LAMA3: variants seen among roughly 807,000 people sequenced by gnomAD.
LAMA3 encodes laminin subunit alpha 3.
In LAMA3, 281 loss-of-function variants were observed where a neutral mutation model predicts 402.0. The observed-to-expected ratio is 0.70, with a 90% CI of 0.63 to 0.77. The LOEUF (loss-of-function observed/expected upper bound fraction) is 0.77, where lower values mean the gene tolerates loss of function less well. LAMA3 is among the 30% of genes least tolerant of loss of function. The pLI, the probability that LAMA3 is intolerant of heterozygous loss-of-function variation, is 0.00. For synonymous variants in LAMA3, 1,431 were observed against 1,558.4 expected (o/e 0.92, Z 1.93); for missense variants, 3,840 against 4,215.5 (o/e 0.91, Z 2.47).
chr18:23,871,535 A>G lies in LAMA3; in HGVS notation c.4872A>G (p.Thr1624=), dbSNP rs779890192. The G allele has an allele frequency of 1.9e-6, 3 of 1,614,086 alleles. No individual in the cohort carries two copies. The East Asian group carries it at 6.7e-5, about 36-fold the overall frequency. Reference sequence around the variant, plus strand: ...TGCGCATCCAAGGCCTCTACTTCACAGAGACTCAAAGGCTCACCCTGAGCG... The same window carrying G: ...TGCGCATCCAAGGCCTCTACTTCACGGAGACTCAAAGGCTCACCCTGAGCG... ...ADVRIQGLYF[T]ETQRLTLSEV... The change falls in exon 38 of 75, where the codon ACA becomes ACG. Residue 1624 remains threonine, a synonymous_variant. Transcript: ENST00000313654.
rs1489909237 is a variant in LAMA3, at chr18:23,884,814, G to A, written c.5264G>A (p.Cys1755Tyr). Residue 1755 changes from cysteine (C) to tyrosine (Y), a missense_variant, in exon 41 of 75, where the codon TGC (cysteine) becomes TAC (tyrosine). This residue lies in a region of LAMA3 where 2,109 missense variants were observed against 2,376.0 expected (regional missense o/e 0.89). Transcript: ENST00000313654. ...GTGGTGAATGGGGGAGACGTGCGGT[G>A]CTCCTGCAAAGCTGGGTACACAGGA... ...GCVVNGGDVR[C>Y]SCKAGYTGTQ... The A allele has an allele frequency of 6.2e-7, 1 of 1,613,822 alleles. No homozygotes were observed. Among genetic ancestry groups the A allele is most frequent in the East Asian group, 2.2e-5 (1 of 44,866 alleles).
At position 23,879,411 on chromosome 18, in the gene LAMA3, G is replaced by A. The variant is rs945017917; in HGVS notation, c.5113-2525G>A. Among the ~76,000 whole-genome samples the A allele has an allele frequency of 3.3e-5, 5 of 152,134 alleles. No individual in the cohort carries two copies. Among genetic ancestry groups the A allele is most frequent in the East Asian group, 1.9e-4 (1 of 5,182 alleles). Reference sequence around the variant, plus strand: ...GCTCAGTGAATCCCTGTCCTTCTGCGGCCCTCGCAGGCAGCCCCTCCTCCT... The same window carrying A: ...GCTCAGTGAATCCCTGTCCTTCTGCAGCCCTCGCAGGCAGCCCCTCCTCCT... On this transcript the variant is annotated intron_variant, in intron 39 of 74. Transcript: ENST00000313654. The surrounding 1 kb of genome is among the most constrained non-coding windows in gnomAD (Gnocchi z 4.2).
chr18:23,693,499 T>C (rs539968114), intron 1 of LAMA3, among the ~76,000 whole-genome samples: 1 of 150,130 alleles, frequency 6.7e-6, no homozygotes, highest in African/African-American at 2.5e-5. Flanking sequence ...CTAGCAGGAT[T>C]CCCTCAGCTC....
rs1299138241 is a variant in LAMA3, at chr18:23,748,058, C to A, written c.563C>A (p.Ala188Asp). Reference protein sequence around the residue: ...GSTYSPWQYFAHSKVDCLKEF... With the variant: ...GSTYSPWQYFDHSKVDCLKEF... ...ACCTACTCACCATGGCAATATTTTG[C>A]TCGTAAGTAATCTTGCCTACCATGT... The change falls in exon 3 of 75, where the codon GCT (alanine) becomes GAT (aspartate). Residue 188 changes from alanine to aspartate, a missense_variant and splice_region_variant. Coordinates refer to ENST00000313654, the MANE Select transcript of LAMA3 (RefSeq NM_198129.4). 54 of 1,538,232 alleles carry A rather than the reference C, an allele frequency of 3.5e-5. No individual in the cohort carries two copies. The highest frequency in any genetic ancestry group is 4.9e-5 in the Non-Finnish European group (54 of 1,110,760).
chr18:23,890,344 A>G (rs912955192), intron 42 of LAMA3, among the ~76,000 whole-genome samples: 3 of 152,162 alleles, frequency 2.0e-5, no homozygotes, highest in African/African-American at 7.2e-5. Context: ...ACCTGTTTCA[A>G]TGCACTTTTT....
intron 38 of LAMA3, 39 bp downstream of exon 38, chr18:23,871,700 C>T (rs1175835342): frequency 6.6e-7 from 1 of 1,519,224 alleles, no homozygotes; most frequent in Admixed American, 2.0e-5. Flanking sequence ...CCCTAGGGAG[C>T]TCCTGTGGCC....
At position 23,818,404 on chromosome 18, in the gene LAMA3, G is replaced by A. The variant is rs192080897; in HGVS notation, c.2148-1437G>A. 7.2e-5 allele frequency among the ~76,000 whole-genome samples: 11 copies of A among 152,270 alleles called. No individual in the cohort carries two copies. The East Asian group carries it at 2.1e-3, about 29-fold the overall frequency. ...ATCTTCAAGTTTAGAGCGTGTCCTTGGATTTAGTGGTAAATTATAACTGAA... is the reference window on the plus strand; with the variant it reads ...ATCTTCAAGTTTAGAGCGTGTCCTTAGATTTAGTGGTAAATTATAACTGAA... On this transcript the variant is annotated intron_variant, in intron 18 of 74. Coordinates refer to ENST00000313654, the MANE Select transcript of LAMA3 (RefSeq NM_198129.4).
chr18:23,725,132 CAG>C (rs1212326669), intron 2 of LAMA3, among the ~76,000 whole-genome samples: 1 of 148,034 alleles, frequency 6.8e-6, no homozygotes. Flanking sequence ...TTTTTTGAGA[CAG>C]AGTCTTGCTT....
intron 2 of LAMA3, among the ~76,000 whole-genome samples, chr18:23,747,513 C>T (rs1042449855): frequency 7.2e-5 from 11 of 152,294 alleles, no homozygotes; most frequent in Admixed American, 6.5e-4. Context: ...GCTGTGATCT[C>T]TCCAAAACCT....
At chr18:23,767,773 A>C (rs906265290) in intron 8 of LAMA3, among the ~76,000 whole-genome samples, 92 of 151,906 alleles carry the variant, frequency 6.1e-4, no homozygotes, top group Non-Finnish European at 4.7e-4. Context: ...GAGTTTCACC[A>C]TGTTGGCCAG....
intron 1 of LAMA3, among the ~76,000 whole-genome samples, chr18:23,700,338 C>A (rs188621309): frequency 6.6e-6 from 1 of 152,014 alleles, no homozygotes; most frequent in Non-Finnish European, 1.5e-5. Flanking sequence ...ACATAGGGAA[C>A]AGGAAAATAG....
At chr18:23,722,271 G>A (rs2061228172) in intron 2 of LAMA3, among the ~76,000 whole-genome samples, 1 of 152,162 alleles carries the variant, frequency 6.6e-6, no homozygotes, top group Non-Finnish European at 1.5e-5. Context: ...ATTGCCTGCT[G>A]GAAACCCTTC....
At chr18:23,728,831 G>GA (rs1176976216) in intron 2 of LAMA3, among the ~76,000 whole-genome samples, 1 of 152,016 alleles carries the variant, frequency 6.6e-6, no homozygotes, top group Non-Finnish European at 1.5e-5. Flanking sequence ...AGGAGTTCGA[G>GA]ACCAGCCTGG....
chr18:23,869,994 C>T (rs2064469121), intron 37 of LAMA3, among the ~76,000 whole-genome samples: 1 of 151,052 alleles, frequency 6.6e-6, no homozygotes, highest in Admixed American at 6.6e-5. Context: ...AACCTCGTCT[C>T]TACCAAAAAT....
intron 2 of LAMA3, among the ~76,000 whole-genome samples, chr18:23,736,854 G>A (rs1162773790): frequency 2.0e-5 from 3 of 152,146 alleles, no homozygotes; most frequent in Non-Finnish European, 2.9e-5. Flanking sequence ...TTGTGTGGAC[G>A]CTGGGGATGA....
chr18:23,788,746 G>A (rs2062595304), intron 12 of LAMA3, among the ~76,000 whole-genome samples: 1 of 151,464 alleles, frequency 6.6e-6, no homozygotes, highest in Admixed American at 6.6e-5. Context: ...AGCACAAGTA[G>A]CAAAAGAAAA....
chr18:23,837,568 C>CATATATATATATATATAT (rs983234157), intron 25 of LAMA3, among the ~76,000 whole-genome samples: 2 of 21,320 alleles, frequency 9.4e-5, no homozygotes, highest in African/African-American at 5.6e-4. Context: ...TTCAGTTAAT[C>CATATATATATATATATAT]AGATATATAT....
chr18:23,710,094 G>A (rs934868036), intron 1 of LAMA3: 21 of 730,832 alleles, frequency 2.9e-5, no homozygotes, highest in Non-Finnish European at 4.3e-5. Flanking sequence ...GTTCTCCTGG[G>A]GGCGCTCTGC....
chr18:23,733,626 T>G (rs2061428632), intron 2 of LAMA3, among the ~76,000 whole-genome samples: 1 of 152,198 alleles, frequency 6.6e-6, no homozygotes, highest in African/African-American at 2.4e-5. Flanking sequence ...CAGGAAGGTT[T>G]CGCAAAGAAG....
Sources: gnomAD v4.1 joint callset for allele counts (sites outside exome capture counted in the v4.1 genomes callset) on GRCh38, gnomAD v4.1.1 for gene constraint, gnomAD v4.1.1 regional missense constraint, Gnocchi (gnomAD v3.1) non-coding constraint, MANE v1.5 for transcripts, NCBI Gene and HGNC (gene_info 2026-07-23, HGNC 2026-07-21) for gene names.